Variants in FKBP1A observed in about 807,000 individuals in gnomAD.
The protein encoded by FKBP1A is FKBP prolyl isomerase 1A, also known as peptidyl-prolyl cis-trans isomerase FKBP1A.
FKBP1A carries 5 observed loss-of-function variants against 14.2 expected under a neutral mutation model. The observed-to-expected ratio is 0.35, with a 90% CI of 0.18 to 0.74. The LOEUF is 0.74. Ranked by LOEUF, FKBP1A falls within the 30% of genes least tolerant of loss-of-function variation. FKBP1A has a pLI of 0.56. For missense variants in FKBP1A, 53 were observed against 138.8 expected, an observed-to-expected ratio of 0.38 and a Z score of 3.10; for synonymous variants, 42 against 49.1, an observed-to-expected ratio of 0.86 and a Z score of 0.60.
At chr20:1,381,272 G>A (rs1207413328) in intron 2 of FKBP1A, among the ~76,000 whole-genome samples, 1 of 152,148 alleles carries the variant, frequency 6.6e-6, no homozygotes, top group Non-Finnish European at 1.5e-5. Flanking sequence ...ATAAAAAAGG[G>A]CTAAAGATTT....
chr20:1,377,126 A>G (rs1393935756), intron 2 of FKBP1A: 1 of 152,250 alleles, frequency 6.6e-6, no homozygotes, highest in Non-Finnish European at 1.5e-5. Flanking sequence ...CCATAAAAAC[A>G]TTACAGTTCT....
In FKBP1A at chr20:1,369,172, A is replaced by T. The variant is rs1895598603; in HGVS notation, c.*937T>A. 6.0e-6 allele frequency: 1 copy of T among 167,052 alleles called. No homozygotes were observed. The highest frequency in any genetic ancestry group is 2.1e-4 in the South Asian group (1 of 4,832). The allele number at this position is 167,052 out of a possible 1,614,324, so 10.3% of individuals were successfully genotyped here. ...GGAGCCAAGCATCAAAAAACAGGAG[A>T]TGCTGAAGCTGCGATGACCAGCATC... On this transcript the variant is annotated 3_prime_UTR_variant, in exon 5 of 5. Coordinates refer to ENST00000400137, the MANE Select transcript of FKBP1A (RefSeq NM_000801.5).
At chr20:1,377,010 T>G (rs1434907501) in intron 2 of FKBP1A, 1 of 152,164 alleles carries the variant, frequency 6.6e-6, no homozygotes, top group African/African-American at 2.4e-5. Flanking sequence ...GATCCCAGAT[T>G]GGAGGGTCAG....
At chr20:1,383,838 T>TAAAAA (rs544119938) in intron 2 of FKBP1A, among the ~76,000 whole-genome samples, 3 of 136,824 alleles carry the variant, frequency 2.2e-5, no homozygotes, top group Non-Finnish European at 4.8e-5. Flanking sequence ...CTCTGTCTCT[T>TAAAAA]AAAAAAAAAA....
chr20:1,381,334 T>C (rs1234410115), intron 2 of FKBP1A, among the ~76,000 whole-genome samples: 1 of 152,206 alleles, frequency 6.6e-6, no homozygotes, highest in African/African-American at 2.4e-5. Context: ...TATGAAAAGA[T>C]GCTAAACATT....
At chr20:1,391,587 G>C (rs1454615010) in intron 2 of FKBP1A, 1 of 398,272 alleles carries the variant, frequency 2.5e-6, no homozygotes, top group Non-Finnish European at 4.4e-6. Flanking sequence ...GGCATGGGAG[G>C]GGGGATGTTA....
chr20:1,392,961 C>T lies in FKBP1A; in HGVS notation c.37+1G>A. Reference sequence around the variant, plus strand: ...CCGAGCCGCCGCGCGCCACTACTCACCGTCTCCTGGGGAGATGGTTTCCAC... The same window carrying T: ...CCGAGCCGCCGCGCGCCACTACTCATCGTCTCCTGGGGAGATGGTTTCCAC... On this transcript the variant is annotated splice_donor_variant, in intron 1 of 4. Coordinates refer to ENST00000400137, the MANE Select transcript of FKBP1A (RefSeq NM_000801.5). LOFTEE classifies it high-confidence loss of function. 6.7e-7 allele frequency: 1 copy of T among 1,503,314 alleles called. No homozygotes were observed. The highest frequency in any genetic ancestry group is 8.8e-7 in the Non-Finnish European group (1 of 1,133,274). The allele number at this position is 1,503,314 out of a possible 1,614,324, so 93.1% of individuals were successfully genotyped here. A position where few individuals can be genotyped will look rare whatever the true frequency, so the allele number is the denominator to read the frequency against.
intron 3 of FKBP1A, among the ~76,000 whole-genome samples, chr20:1,372,783 T>C (rs1016313668): frequency 2.0e-5 from 3 of 152,246 alleles, no homozygotes; most frequent in Non-Finnish European, 4.4e-5. Context: ...AAATAGCATT[T>C]ACTGAATACC....
intron 4 of FKBP1A, chr20:1,371,871 C>A: frequency 7.8e-7 from 1 of 1,289,718 alleles, no homozygotes; most frequent in Non-Finnish European, 9.8e-7. Flanking sequence ...GGAACATACA[C>A]ATGCCAATTC....
intron 2 of FKBP1A, among the ~76,000 whole-genome samples, chr20:1,376,420 C>A (rs926352627): frequency 6.6e-6 from 1 of 152,208 alleles, no homozygotes; most frequent in African/African-American, 2.4e-5. Context: ...ACAAAACAAC[C>A]CATGCTCATT....
At chr20:1,385,377 G>A (rs1282392142) in intron 2 of FKBP1A, among the ~76,000 whole-genome samples, 1 of 152,158 alleles carries the variant, frequency 6.6e-6, no homozygotes, top group East Asian at 1.9e-4. Context: ...GCGACAGAGT[G>A]AGACTCCATC....
chr20:1,379,253 G>C lies in FKBP1A; in HGVS notation c.86-3650C>G, dbSNP rs374562998. Among the ~76,000 whole-genome samples the C allele has an allele frequency of 6.6e-6, 1 of 152,122 alleles. No homozygotes were observed. Among genetic ancestry groups the C allele is most frequent in the Non-Finnish European group, 1.5e-5 (1 of 68,026 alleles). ...GCCAAGCAACCTCCAGACACTACAT[G>C]CATCAATGTATCAATGTTGCTTTGC... On this transcript the variant is annotated intron_variant, in intron 2 of 4. Transcript: ENST00000400137. This position sits in a 1 kb window ranked among gnomAD's most constrained non-coding sequence, Gnocchi z 4.3.
At chr20:1,391,755 A>C in intron 2 of FKBP1A, 2 of 188,778 alleles carry the variant, frequency 1.1e-5, no homozygotes. Context: ...GAGGAGAGGG[A>C]GTGGGAAAAA....
intron 2 of FKBP1A, among the ~76,000 whole-genome samples, chr20:1,380,611 C>T (rs570165420): frequency 6.6e-6 from 1 of 152,262 alleles, no homozygotes; most frequent in South Asian, 2.1e-4. Context: ...GACTCGCAAG[C>T]ATCAAACTGT....
At chr20:1,378,147 A>G (rs2089573267) in intron 2 of FKBP1A, 1 of 152,196 alleles carries the variant, frequency 6.6e-6, no homozygotes, top group South Asian at 2.1e-4. Flanking sequence ...TCGGGAAGAA[A>G]GTTCCTGCCC....
chr20:1,384,228 G>A (rs1291722315), intron 2 of FKBP1A, among the ~76,000 whole-genome samples: 1 of 152,124 alleles, frequency 6.6e-6, no homozygotes, highest in Admixed American at 6.6e-5. Flanking sequence ...TAAATATAAT[G>A]TAATTAAATA....
chr20:1,372,771 C>T (rs2089485898), intron 3 of FKBP1A, among the ~76,000 whole-genome samples: 1 of 152,126 alleles, frequency 6.6e-6, no homozygotes, highest in African/African-American at 2.4e-5. Flanking sequence ...TTCTGGGCTA[C>T]AAAATAGCAT....
At chr20:1,371,144 G>A (rs1028902930) in intron 4 of FKBP1A, 1 of 985,434 alleles carries the variant, frequency 1.0e-6, no homozygotes, top group Non-Finnish European at 1.2e-6. Flanking sequence ...TGACCCTCTG[G>A]TTCCTATGGC....
At chr20:1,382,602 A>G (rs1292882234) in intron 2 of FKBP1A, among the ~76,000 whole-genome samples, 1 of 152,148 alleles carries the variant, frequency 6.6e-6, no homozygotes, top group Non-Finnish European at 1.5e-5. Flanking sequence ...TACTTGCATG[A>G]TTTTTAAGAA....
Sources: gnomAD v4.1 joint callset for allele counts (sites outside exome capture counted in the v4.1 genomes callset) on GRCh38, gnomAD v4.1.1 for gene constraint, Gnocchi (gnomAD v3.1) non-coding constraint, MANE v1.5 for transcripts, NCBI Gene and HGNC (gene_info 2026-07-23, HGNC 2026-07-21) for gene names.